Variants in FARP1 observed in about 807,000 individuals in gnomAD.
FARP1 encodes FERM, ARHGEF and pleckstrin domain-containing protein 1.
Under a neutral mutation model 128.8 loss-of-function variants are expected in FARP1, and 52 were observed. The observed-to-expected ratio is 0.40, with a 90% confidence interval of 0.32 to 0.51. FARP1 has a LOEUF of 0.51. FARP1 is among the 20% of genes least tolerant of loss of function. FARP1 has a pLI of 0.45. For synonymous variants in FARP1, 580 were observed against 551.8 expected, an observed-to-expected ratio of 1.05 and a Z score of -0.72; for missense variants, 1,333 against 1,367.9, an observed-to-expected ratio of 0.97 and a Z score of 0.40.
At chr13:98,365,486 C>G (rs764904968) in intron 4 of FARP1, 49 bp downstream of exon 4, 2 of 1,346,094 alleles carry the variant, frequency 1.5e-6, no homozygotes, top group Admixed American at 3.5e-5. Flanking sequence ...TGAAGCCAGA[C>G]AGTTTCATGT....
chr13:98,236,863 A>G (rs976472777), intron 2 of FARP1, among the ~76,000 whole-genome samples: 15 of 152,020 alleles, frequency 9.9e-5, no homozygotes, highest in African/African-American at 1.4e-4. Flanking sequence ...GTGGTGGCAC[A>G]CGCCTGTAAT....
intron 19 of FARP1, among the ~76,000 whole-genome samples, chr13:98,438,441 CAGAG>C (rs1426701992): frequency 2.0e-5 from 3 of 152,152 alleles, no homozygotes; most frequent in Non-Finnish European, 4.4e-5. Context: ...ACATGGTCCT[CAGAG>C]AGGCCCGGGC....
chr13:98,437,389 G>C lies in FARP1; in HGVS notation c.2275-1415G>C, dbSNP rs190436712. Among the ~76,000 whole-genome samples the C allele has an allele frequency of 3.5e-3, 534 of 152,192 alleles. 5 individuals are homozygous for C. Among genetic ancestry groups the C allele is most frequent in the African/African-American group, 0.013 (519 of 41,472 alleles). The stretch of plus-strand genomic sequence containing the variant: ...ATTATCTGAGGCTGGTGGTGCAGGC[G>C]GTAAGAATTATTTACGAAGACAGTT... On this transcript the variant is annotated intron_variant, in intron 19 of 26. Transcript: ENST00000319562.
chr13:98,307,364 C>T (rs981105744), intron 2 of FARP1, among the ~76,000 whole-genome samples: 1 of 152,128 alleles, frequency 6.6e-6, no homozygotes, highest in Non-Finnish European at 1.5e-5. Context: ...AGAACTAATA[C>T]CTAATGAAAA....
At chr13:98,404,125 A>G (rs191937525) in intron 13 of FARP1, 1 of 152,514 alleles carries the variant, frequency 6.6e-6, no homozygotes, top group East Asian at 1.9e-4. Context: ...AGAACAAGGT[A>G]GCACATTCAT....
chr13:98,307,112 A>G (rs567122800), intron 2 of FARP1, among the ~76,000 whole-genome samples: 1 of 152,344 alleles, frequency 6.6e-6, no homozygotes, highest in Admixed American at 6.5e-5. Flanking sequence ...CTTGACTCGC[A>G]TGCTGTTTCT....
rs776690367 is a variant in FARP1, at chr13:98,213,255, G to C, written c.13G>C (p.Glu5Gln). The stretch of plus-strand genomic sequence containing the variant: ...AGCCGCTTTCATCATGGGAGAAATA[G>C]AGCAGAGGCCGACCCCAGGATCACG... MGEI[E>Q]QRPTPGSRLG... Residue 5 changes from glutamate to glutamine, a missense_variant, in exon 2 of 27, where the codon GAG becomes CAG. Physicochemically the swap from Glu to Gln is conservative, Grantham distance 29. Around this residue, in one of 2 missense-constraint regions of FARP1, gnomAD observed 324 missense variants for 398.1 expected, o/e 0.81. Transcript: ENST00000319562. 1.4e-5 allele frequency: 23 copies of C among 1,613,106 alleles called. No individual in the cohort carries two copies. In the East Asian group the frequency reaches 4.5e-4, roughly 31 times the overall value.
chr13:98,148,168 C>T (rs914187473), intron 1 of FARP1, among the ~76,000 whole-genome samples: 4 of 152,156 alleles, frequency 2.6e-5, no homozygotes, highest in Non-Finnish European at 1.5e-5. Flanking sequence ...CATCTGAGGT[C>T]AGGAGTTCAA....
chr13:98,417,455 G>GGGAAAAAAAAAAAAAAAAAAA lies in FARP1; in HGVS notation c.1826+5421_1826+5422insGGAAAAAAAAAAAAAAAAAAA, dbSNP rs1491453247. Among the ~76,000 whole-genome samples, 17 of 58,454 alleles carry GGGAAAAAAAAAAAAAAAAAAA rather than the reference G, an allele frequency of 2.9e-4. 1 individual carries two copies. The highest frequency in any genetic ancestry group is 8.0e-4 in the African/African-American group (14 of 17,432). 38.3% of individuals were successfully genotyped at this position (58,454 alleles called of 152,430 possible). On this transcript the variant is annotated intron_variant, in intron 16 of 26. Coordinates refer to ENST00000319562, the MANE Select transcript of FARP1 (RefSeq NM_005766.4). Reference sequence around the variant, plus strand: ...AGGAAACAGAGGCCACCAGAGGTTTGAAAAAAAAAAAAAAAAAAAAAAAAA... The same window carrying GGGAAAAAAAAAAAAAAAAAAA: ...AGGAAACAGAGGCCACCAGAGGTTTGGGAAAAAAAAAAAAAAAAAAAAAAAAAAAAAAAAAAAAAAAAAAAA...
chr13:98,444,572 G>A (rs1016569995), intron 24 of FARP1, among the ~76,000 whole-genome samples: 13 of 152,230 alleles, frequency 8.5e-5, no homozygotes, highest in African/African-American at 3.1e-4. Context: ...TGGAGGCCAG[G>A]ATGGACCCGA....
At chr13:98,236,065 C>A (rs1882397487) in intron 2 of FARP1, among the ~76,000 whole-genome samples, 1 of 152,168 alleles carries the variant, frequency 6.6e-6, no homozygotes. Context: ...CTCAGGTGAT[C>A]TGCCCGCCTC....
At chr13:98,417,454 T>TGGG (rs201387456) in intron 16 of FARP1, among the ~76,000 whole-genome samples, 56 of 48,714 alleles carry the variant, frequency 1.1e-3, no homozygotes, top group Admixed American at 1.9e-3. Context: ...ACCAGAGGTT[T>TGGG]GAAAAAAAAA....
At chr13:98,414,319 G>C (rs1244351275) in intron 16 of FARP1, among the ~76,000 whole-genome samples, 3 of 152,140 alleles carry the variant, frequency 2.0e-5, no homozygotes, top group African/African-American at 7.2e-5. Context: ...CCATCAGTGG[G>C]ACCTGCAGTA....
intron 1 of FARP1, among the ~76,000 whole-genome samples, chr13:98,196,438 G>A (rs1879573645): frequency 6.6e-6 from 1 of 152,180 alleles, no homozygotes; most frequent in East Asian, 1.9e-4. Context: ...TCTAATGGCG[G>A]TTGTGAGGAT....
intron 2 of FARP1, among the ~76,000 whole-genome samples, chr13:98,222,794 A>ATTT (rs34198874): frequency 0.2 from 24,891 of 124,422 alleles, 2,799 homozygotes; most frequent in Middle Eastern, 0.31. Flanking sequence ...TGCCCAGCTA[A>ATTT]TTTTTTTTTT....
At chr13:98,252,982 A>G (rs556928231) in intron 2 of FARP1, among the ~76,000 whole-genome samples, 5 of 152,360 alleles carry the variant, frequency 3.3e-5, no homozygotes, top group African/African-American at 1.2e-4. Context: ...AGTAGCTTTT[A>G]TCAAAACAAA....
At chr13:98,441,849 A>G (rs1892538812) in intron 24 of FARP1, among the ~76,000 whole-genome samples, 1 of 151,986 alleles carries the variant, frequency 6.6e-6, no homozygotes, top group African/African-American at 2.4e-5. Context: ...ACTTCAGGGT[A>G]TTGTTTTCTG....
intron 2 of FARP1, among the ~76,000 whole-genome samples, chr13:98,242,686 T>G (rs1388977561): frequency 2.6e-5 from 4 of 152,202 alleles, no homozygotes; most frequent in African/African-American, 9.7e-5. Context: ...CAAAGAAATC[T>G]GGACTTAATA....
chr13:98,305,471 T>C (rs1209652298), intron 2 of FARP1, among the ~76,000 whole-genome samples: 3 of 152,088 alleles, frequency 2.0e-5, no homozygotes, highest in Non-Finnish European at 4.4e-5. Context: ...ATAGCTGGGA[T>C]TACAGGCACC....
Sources: allele counts gnomAD v4.1 joint callset (sites outside exome capture counted in the v4.1 genomes callset), GRCh38; gene constraint gnomAD v4.1.1; regional missense constraint gnomAD v4.1.1; transcripts MANE v1.5; gene names NCBI Gene and HGNC (gene_info 2026-07-23, HGNC 2026-07-21).